CDH13: variants seen among roughly 807,000 people sequenced by gnomAD.
CDH13 encodes cadherin-13.
Under a neutral mutation model 63.8 loss-of-function variants are expected in CDH13, and 24 were observed. The observed-to-expected ratio is 0.38, with a 90% CI of 0.27 to 0.53. The LOEUF (loss-of-function observed/expected upper bound fraction) is 0.53. CDH13 is among the 20% of genes least tolerant of loss of function. CDH13 has a pLI of 0.85. For synonymous variants in CDH13, 503 were observed against 355.3 expected (o/e 1.42, Z -4.67); for missense variants, 1,049 against 903.1 (o/e 1.16, Z -2.07).
intron 5 of CDH13, among the ~76,000 whole-genome samples, chr16:83,264,855 A>G (rs544079090): frequency 1.3e-5 from 2 of 152,230 alleles, no homozygotes; most frequent in South Asian, 4.1e-4. Context: ...TATTAAAACT[A>G]AAGATATGGC....
At chr16:82,636,168 C>T (rs1025020397) in intron 1 of CDH13, among the ~76,000 whole-genome samples, 1 of 152,066 alleles carries the variant, frequency 6.6e-6, no homozygotes, top group Non-Finnish European at 1.5e-5. Context: ...ATGGAGATGG[C>T]AGGGCCAGAG....
intron 1 of CDH13, among the ~76,000 whole-genome samples, chr16:82,701,960 G>C (rs2031065165): frequency 6.6e-6 from 1 of 151,850 alleles, no homozygotes; most frequent in Admixed American, 6.6e-5. Context: ...GAAATTGGAG[G>C]GCTGTTCTTG....
At chr16:83,625,154 C>CTGTGTGTGTGTGCTCA in intron 8 of CDH13, among the ~76,000 whole-genome samples, 1 of 149,724 alleles carries the variant, frequency 6.7e-6, no homozygotes, top group South Asian at 2.1e-4. Context: ...TAAAGAAACT[C>CTGTGTGTGTGTGCTCA]TGTGTGTGTG....
At chr16:83,359,846 GT>G (rs2091129071) in intron 6 of CDH13, among the ~76,000 whole-genome samples, 1 of 152,086 alleles carries the variant, frequency 6.6e-6, no homozygotes, top group African/African-American at 2.4e-5. Context: ...TCATTCGGTG[GT>G]TTTTAATATA....
intron 5 of CDH13, among the ~76,000 whole-genome samples, chr16:83,282,871 G>T (rs2089215293): frequency 6.6e-6 from 1 of 152,062 alleles, no homozygotes; most frequent in Non-Finnish European, 1.5e-5. Context: ...ACCTCTGTGG[G>T]TCTCCATGGT....
At chr16:83,295,758 A>G (rs2089577887) in intron 5 of CDH13, among the ~76,000 whole-genome samples, 1 of 152,178 alleles carries the variant, frequency 6.6e-6, no homozygotes, top group South Asian at 2.1e-4. Context: ...AAAATAGTAT[A>G]GAGATTCCTC....
chr16:83,591,577 G>A (rs747108848), intron 7 of CDH13, among the ~76,000 whole-genome samples: 3 of 152,162 alleles, frequency 2.0e-5, no homozygotes, highest in Non-Finnish European at 4.4e-5. Context: ...TGGTGGCCCT[G>A]TTGCAGCCTG....
At chr16:83,439,171 C>G (rs905208306) in intron 6 of CDH13, among the ~76,000 whole-genome samples, 1 of 152,106 alleles carries the variant, frequency 6.6e-6, no homozygotes, top group Admixed American at 6.5e-5. Flanking sequence ...ATAGTAATAC[C>G]TATATTCTAA....
At chr16:83,497,272 C>A (rs560376290) in intron 7 of CDH13, among the ~76,000 whole-genome samples, 3 of 151,794 alleles carry the variant, frequency 2.0e-5, no homozygotes, top group African/African-American at 7.3e-5. Flanking sequence ...AAATGTCCAA[C>A]AATGATAGAC....
At chr16:83,185,249 A>G (rs1454145569) in intron 4 of CDH13, among the ~76,000 whole-genome samples, 1 of 152,162 alleles carries the variant, frequency 6.6e-6, no homozygotes, top group African/African-American at 2.4e-5. Context: ...TTTGAAGTAT[A>G]CGCTATGGGG....
intron 1 of CDH13, among the ~76,000 whole-genome samples, chr16:82,846,056 G>A (rs1186230590): frequency 1.3e-5 from 2 of 152,272 alleles, no homozygotes; most frequent in East Asian, 3.9e-4. Flanking sequence ...CCTATTTTGA[G>A]ACAAAACACC....
At chr16:82,931,375 C>G (rs1366339861) in intron 2 of CDH13, among the ~76,000 whole-genome samples, 3 of 152,190 alleles carry the variant, frequency 2.0e-5, no homozygotes, top group Non-Finnish European at 4.4e-5. Flanking sequence ...AAATGCACAT[C>G]TGTTCCAGAA....
chr16:82,836,576 A>T (rs2038776781), intron 1 of CDH13, among the ~76,000 whole-genome samples: 1 of 152,178 alleles, frequency 6.6e-6, no homozygotes, highest in South Asian at 2.1e-4. Flanking sequence ...AGGCCTACAG[A>T]GATCTTCATC....
intron 2 of CDH13, among the ~76,000 whole-genome samples, chr16:82,883,264 T>C (rs2040767987): frequency 2.6e-5 from 4 of 152,258 alleles, no homozygotes; most frequent in Admixed American, 2.6e-4. Flanking sequence ...TGCTATTGTA[T>C]GTGAAATGCT....
At chr16:83,055,205 T>C (rs1215388063) in intron 3 of CDH13, among the ~76,000 whole-genome samples, 8 of 151,898 alleles carry the variant, frequency 5.3e-5, no homozygotes, top group African/African-American at 1.9e-4. Context: ...ATTTACAACC[T>C]TGAATGCATA....
chr16:82,805,908 C>G (rs1174026946), intron 1 of CDH13, among the ~76,000 whole-genome samples: 1 of 152,192 alleles, frequency 6.6e-6, no homozygotes, highest in African/African-American at 2.4e-5. Flanking sequence ...ATGGTACGCA[C>G]ATTTCTGTTT....
At chr16:83,626,209 C>T (rs79335645) in intron 8 of CDH13, among the ~76,000 whole-genome samples, 13,347 of 152,030 alleles carry the variant, frequency 0.088, 601 homozygotes, top group South Asian at 0.096. Flanking sequence ...TTTGCCGTAC[C>T]GCGTGTGCCG....
At position 83,013,200 on chromosome 16, in the gene CDH13, A is replaced by G. The variant is rs144949562; in HGVS notation, c.158-18810A>G. Among the ~76,000 whole-genome samples, 813 of 152,374 alleles carry G rather than the reference A, an allele frequency of 5.3e-3. 6 individuals carry two copies. Among genetic ancestry groups the G allele is most frequent in the Non-Finnish European group, 9.5e-3 (649 of 68,042 alleles). ...TGCAACTATCCAACTCTGCTGTTGC[A>G]GTTCAAAAGCAGCCATATACATGTA... is the stretch of plus-strand genomic sequence containing the variant. On this transcript the variant is annotated intron_variant, in intron 2 of 13. Coordinates refer to ENST00000567109, the MANE Select transcript of CDH13 (RefSeq NM_001257.5).
At chr16:83,096,235 C>G (rs2034185986) in intron 3 of CDH13, among the ~76,000 whole-genome samples, 1 of 152,188 alleles carries the variant, frequency 6.6e-6, no homozygotes, top group Non-Finnish European at 1.5e-5. Flanking sequence ...CATCAGGTCT[C>G]AGGAGTTCAG....
Sources: gnomAD v4.1 joint callset for allele counts (sites outside exome capture counted in the v4.1 genomes callset) on GRCh38, gnomAD v4.1.1 for gene constraint, MANE v1.5 for transcripts, NCBI Gene and HGNC (gene_info 2026-07-23, HGNC 2026-07-21) for gene names.